The following CLSTN2 variants were observed in gnomAD, a reference collection of about 807,000 sequenced individuals.
The protein encoded by CLSTN2 is calsyntenin-2.
A neutral mutation model predicts 101.2 loss-of-function variants in CLSTN2; 48 were observed. That is an observed-to-expected ratio of 0.47 (90% CI 0.38 to 0.60). The LOEUF (loss-of-function observed/expected upper bound fraction) is 0.60, where lower values mean the gene tolerates loss of function less well. Among genes scored for constraint, CLSTN2 ranks in the 20% least tolerant of loss-of-function variants. The pLI is 0.00. For missense variants in CLSTN2, 1,160 were observed against 1,238.2 expected (o/e 0.94, Z 0.95); for synonymous variants, 481 against 463.6 (o/e 1.04, Z -0.48).
intron 1 of CLSTN2, among the ~76,000 whole-genome samples, chr3:140,152,097 A>G (rs1299278111): frequency 3.9e-5 from 6 of 152,200 alleles, no homozygotes; most frequent in Non-Finnish European, 8.8e-5. Context: ...ACAAAATTAC[A>G]TCTGTTAGAT....
intron 2 of CLSTN2, among the ~76,000 whole-genome samples, chr3:140,261,753 T>A (rs2086656484): frequency 6.6e-6 from 1 of 152,210 alleles, no homozygotes; most frequent in South Asian, 2.1e-4. Flanking sequence ...GAGTTTGTAC[T>A]GATGTCTTCC....
At chr3:140,032,511 A>G (rs1466311225) in intron 1 of CLSTN2, among the ~76,000 whole-genome samples, 1 of 151,934 alleles carries the variant, frequency 6.6e-6, no homozygotes, top group East Asian at 1.9e-4. Context: ...TAATTTTTGT[A>G]TTTTTAGTAG....
At chr3:140,102,812 G>T (rs376607527) in intron 1 of CLSTN2, among the ~76,000 whole-genome samples, 4 of 152,264 alleles carry the variant, frequency 2.6e-5, no homozygotes, top group East Asian at 1.9e-4. Flanking sequence ...AGTTGAAAGA[G>T]CACTGAAGTC....
At chr3:140,376,665 C>A (rs558743664) in intron 2 of CLSTN2, among the ~76,000 whole-genome samples, 1 of 152,224 alleles carries the variant, frequency 6.6e-6, no homozygotes, top group Non-Finnish European at 1.5e-5. Context: ...GGAGTTATAT[C>A]CTAAATCCCA....
At chr3:140,120,103 C>T (rs754015017) in intron 1 of CLSTN2, among the ~76,000 whole-genome samples, 1 of 152,164 alleles carries the variant, frequency 6.6e-6, no homozygotes, top group Non-Finnish European at 1.5e-5. Context: ...AATTTTGACA[C>T]TACCTGTAGA....
intron 2 of CLSTN2, among the ~76,000 whole-genome samples, chr3:140,269,045 T>C (rs934081474): frequency 1.3e-5 from 2 of 152,200 alleles, no homozygotes; most frequent in African/African-American, 2.4e-5. Context: ...TAACATTCCA[T>C]AGTGCCTCTT....
At chr3:140,233,553 AAATT>A (rs1486708833) in intron 2 of CLSTN2, among the ~76,000 whole-genome samples, 2 of 152,202 alleles carry the variant, frequency 1.3e-5, no homozygotes, top group Non-Finnish European at 2.9e-5. Flanking sequence ...GAATACATAA[AAATT>A]AATTGTATAT....
intron 9 of CLSTN2, among the ~76,000 whole-genome samples, chr3:140,541,490 T>C (rs2107784348): frequency 6.6e-6 from 1 of 152,306 alleles, no homozygotes; most frequent in East Asian, 1.9e-4. Flanking sequence ...ATTGTGGAAA[T>C]TGTGCTCACC....
intron 8 of CLSTN2, among the ~76,000 whole-genome samples, chr3:140,498,958 A>C (rs1934519758): frequency 6.9e-6 from 1 of 144,532 alleles, no homozygotes; most frequent in African/African-American, 2.9e-5. Flanking sequence ...GAGCACTTGA[A>C]TGTTTTTTTT....
intron 1 of CLSTN2, among the ~76,000 whole-genome samples, chr3:140,089,817 G>A (rs796562630): frequency 5.9e-5 from 9 of 151,508 alleles, no homozygotes; most frequent in African/African-American, 2.2e-4. Flanking sequence ...TTACCATGTT[G>A]CCCAGGCTAG....
rs1456411472 is a variant in CLSTN2 at position 140,108,437 on chromosome 3, C to T, written c.110-67514C>T. On this transcript the variant is annotated intron_variant, in intron 1 of 16. Transcript: ENST00000458420. The stretch of plus-strand genomic sequence containing the variant: ...GAAGCCTGCCACAGTGGCAATGGGG[C>T]TGAATCCACCCCTCCCTGCCTCTTT... 1.9e-4 allele frequency among the ~76,000 whole-genome samples: 29 copies of T among 152,204 alleles called. 1 individual carries two copies. The highest frequency in any genetic ancestry group is 1.9e-3 in the Admixed American group (29 of 15,276).
At chr3:140,503,095 T>C (rs2107763306) in intron 8 of CLSTN2, among the ~76,000 whole-genome samples, 1 of 152,314 alleles carries the variant, frequency 6.6e-6, no homozygotes, top group South Asian at 2.1e-4. Flanking sequence ...CTCTTCTTCA[T>C]TCATCACATC....
At chr3:140,026,599 G>T (rs1174788116) in intron 1 of CLSTN2, among the ~76,000 whole-genome samples, 2 of 152,194 alleles carry the variant, frequency 1.3e-5, no homozygotes, top group East Asian at 3.9e-4. Flanking sequence ...AGGGACTGGA[G>T]TCTACTCTTC....
rs76409954 is a variant in CLSTN2, at chr3:140,076,245, T to C, written c.110-99706T>C. On this transcript the variant is annotated intron_variant, in intron 1 of 16. Coordinates refer to ENST00000458420, the MANE Select transcript of CLSTN2 (RefSeq NM_022131.3). ...GTTGCCTATGGCAGGATTTTCACCT[T>C]TTTAAAGGCTGGATAATATTCTATT... 2.3e-3 allele frequency among the ~76,000 whole-genome samples: 348 copies of C among 152,338 alleles called. 5 individuals are homozygous for C. The East Asian group carries it at 0.047, about 21-fold the overall frequency.
At chr3:140,499,793 G>C (rs1304800893) in intron 8 of CLSTN2, among the ~76,000 whole-genome samples, 1 of 152,124 alleles carries the variant, frequency 6.6e-6, no homozygotes, top group Non-Finnish European at 1.5e-5. Flanking sequence ...GGCTGGGCGC[G>C]GTGGCTCACA....
intron 1 of CLSTN2, among the ~76,000 whole-genome samples, chr3:139,973,969 C>A (rs1234298808): frequency 6.6e-6 from 1 of 152,146 alleles, no homozygotes; most frequent in African/African-American, 2.4e-5. Context: ...TGATATTGCC[C>A]ACCCTGGCAC....
intron 1 of CLSTN2, among the ~76,000 whole-genome samples, chr3:139,978,648 TTGTGTGTGTGTGTGTGTGTGTGTGTGTG>T (rs552137591): frequency 4.4e-5 from 6 of 135,602 alleles, no homozygotes; most frequent in Admixed American, 7.3e-5. Flanking sequence ...GGATGGGGGA[TTGTGTGTGTGTGTGTGTGTGTGTGTGTG>T]TGTGTGTGTG....
intron 1 of CLSTN2, among the ~76,000 whole-genome samples, chr3:140,148,336 A>T (rs777581262): frequency 5.9e-5 from 9 of 152,208 alleles, no homozygotes; most frequent in Non-Finnish European, 1.2e-4. Context: ...TAAAGCCCTT[A>T]ATTGCTAATG....
intron 1 of CLSTN2, among the ~76,000 whole-genome samples, chr3:139,992,698 A>G (rs930002789): frequency 2.0e-5 from 3 of 152,196 alleles, no homozygotes; most frequent in African/African-American, 7.2e-5. Flanking sequence ...AGGAGCGGAC[A>G]TGGGAGTGTG....
Sources: allele counts gnomAD v4.1 joint callset (sites outside exome capture counted in the v4.1 genomes callset), GRCh38; gene constraint gnomAD v4.1.1; transcripts MANE v1.5; gene names NCBI Gene and HGNC (gene_info 2026-07-23, HGNC 2026-07-21).